SLC44A5: variants seen among roughly 807,000 people sequenced by gnomAD.
SLC44A5 encodes solute carrier family 44 member 5.
A neutral mutation model predicts 101.8 loss-of-function variants in SLC44A5; 57 were observed. The observed-to-expected ratio is 0.56, with a 90% CI of 0.45 to 0.70. The LOEUF is 0.70. SLC44A5 is among the 30% of genes least tolerant of loss of function. The pLI is 0.00. For missense variants in SLC44A5, 737 were observed against 853.1 expected (o/e 0.86, Z 1.70); for synonymous variants, 281 against 290.9 (o/e 0.97, Z 0.35).
the SLC44A5 span, among the ~76,000 whole-genome samples, chr1:75,697,659 C>A: frequency 2.6e-5 from 4 of 152,070 alleles, no homozygotes; most frequent in African/African-American, 4.8e-5. Context: ...CCAAGATGGC[C>A]GAATAGGGAC....
intron 1 of SLC44A5, among the ~76,000 whole-genome samples, chr1:75,589,177 C>T (rs927250503): frequency 6.6e-6 from 1 of 150,428 alleles, no homozygotes; most frequent in African/African-American, 2.5e-5. Flanking sequence ...TCTGCCATGT[C>T]ATTCATTAAA....
At chr1:75,492,949 C>A (rs1668499320) in intron 2 of SLC44A5, among the ~76,000 whole-genome samples, 1 of 152,230 alleles carries the variant, frequency 6.6e-6, no homozygotes, top group South Asian at 2.1e-4. Flanking sequence ...TTGGAATTTT[C>A]TACCTGAAGG....
intron 1 of SLC44A5, among the ~76,000 whole-genome samples, chr1:75,610,686 G>A (rs376489747): frequency 6.6e-6 from 1 of 152,058 alleles, no homozygotes; most frequent in African/African-American, 2.4e-5. Context: ...TCCTAGAGAT[G>A]TTATCAACAT....
intron 2 of SLC44A5, among the ~76,000 whole-genome samples, chr1:75,424,480 A>G (rs1206358953): frequency 1.3e-5 from 2 of 151,940 alleles, no homozygotes; most frequent in African/African-American, 2.4e-5. Flanking sequence ...TAATTTTTCT[A>G]TTTTTAGTAG....
intron 2 of SLC44A5, among the ~76,000 whole-genome samples, chr1:75,463,684 A>C (rs951781984): frequency 6.6e-6 from 1 of 152,200 alleles, no homozygotes; most frequent in Admixed American, 6.5e-5. Flanking sequence ...CATCAATACT[A>C]GACTCATCCT....
chr1:75,266,352 C>CAT (rs1214540337), intron 6 of SLC44A5, among the ~76,000 whole-genome samples: 2 of 149,684 alleles, frequency 1.3e-5, no homozygotes, highest in African/African-American at 4.9e-5. Context: ...CACACACACA[C>CAT]ATTTATTTGT....
At chr1:75,677,014 G>A in the SLC44A5 span, among the ~76,000 whole-genome samples, 1 of 152,118 alleles carries the variant, frequency 6.6e-6, no homozygotes, top group Non-Finnish European at 1.5e-5. Context: ...TATATTCGGT[G>A]AACATGAAGG....
At position 75,579,770 on chromosome 1, in the gene SLC44A5, T is replaced by C. The variant is rs542063577; in HGVS notation, c.-70+31270A>G. 4.5e-4 allele frequency among the ~76,000 whole-genome samples: 68 copies of C among 151,414 alleles called. 1 individual carries two copies. The highest frequency in any genetic ancestry group is 1.6e-3 in the African/African-American group (68 of 41,252). On this transcript the variant is annotated intron_variant, in intron 1 of 23. Coordinates refer to ENST00000370859, the MANE Select transcript of SLC44A5 (RefSeq NM_001130058.2). ...TAGAAGAACAAATCTGAAATGATTC[T>C]ATAGATTTTCCTTTAACAAAGAGAG...
chr1:75,236,872 G>A, intron 11 of SLC44A5, 115 bp downstream of exon 11: 1 of 543,316 alleles, frequency 1.8e-6, no homozygotes, highest in Non-Finnish European at 3.3e-6. Context: ...AATTTGTTAT[G>A]CCACCAGTAC....
At chr1:75,404,195 C>T (rs1265701195) in intron 2 of SLC44A5, among the ~76,000 whole-genome samples, 1 of 152,002 alleles carries the variant, frequency 6.6e-6, no homozygotes, top group Non-Finnish European at 1.5e-5. Context: ...AAATATGGGA[C>T]TATGTGAAAA....
chr1:75,717,736 G>A, the SLC44A5 span, among the ~76,000 whole-genome samples: 2 of 152,150 alleles, frequency 1.3e-5, no homozygotes, highest in African/African-American at 4.8e-5. Flanking sequence ...ATTAAGAAAT[G>A]GAATGAATAA....
At chr1:75,706,134 T>A in the SLC44A5 span, among the ~76,000 whole-genome samples, 1 of 152,206 alleles carries the variant, frequency 6.6e-6, no homozygotes, top group Non-Finnish European at 1.5e-5. Flanking sequence ...GTTTTTTGAT[T>A]TTTGAAAAAG....
chr1:75,552,640 T>C (rs1168720693), intron 1 of SLC44A5, among the ~76,000 whole-genome samples: 1 of 151,512 alleles, frequency 6.6e-6, no homozygotes, highest in Non-Finnish European at 1.5e-5. Flanking sequence ...TTTTTTTTTT[T>C]TCATTTGGGC....
the SLC44A5 span, among the ~76,000 whole-genome samples, chr1:75,674,334 C>T: frequency 6.6e-6 from 1 of 152,044 alleles, no homozygotes; most frequent in African/African-American, 2.4e-5. Context: ...AATTAGTGAG[C>T]TTGAAGATAA....
intron 7 of SLC44A5, among the ~76,000 whole-genome samples, chr1:75,244,183 G>GT (rs1557570358): frequency 6.6e-6 from 1 of 152,026 alleles, no homozygotes; most frequent in East Asian, 1.9e-4. Context: ...ACTAAGCAGA[G>GT]TAAGACAGTT....
At chr1:75,296,125 C>CA (rs1349609952) in intron 5 of SLC44A5, among the ~76,000 whole-genome samples, 1 of 152,112 alleles carries the variant, frequency 6.6e-6, no homozygotes, top group African/African-American at 2.4e-5. Flanking sequence ...CTCCAGTCTC[C>CA]AGTCAAGCCA....
chr1:75,711,401 CTTG>C, the SLC44A5 span, among the ~76,000 whole-genome samples: 1 of 152,186 alleles, frequency 6.6e-6, no homozygotes, highest in Non-Finnish European at 1.5e-5. Context: ...TTGTGGGCCT[CTTG>C]TTGGTCGTAT....
intron 2 of SLC44A5, among the ~76,000 whole-genome samples, chr1:75,462,179 C>A (rs1002444336): frequency 1.3e-5 from 2 of 152,176 alleles, no homozygotes; most frequent in Admixed American, 1.3e-4. Context: ...CCAGTTGACT[C>A]AGAACAAAGA....
At chr1:75,648,896 TTATAA>T in the SLC44A5 span, among the ~76,000 whole-genome samples, 3 of 152,246 alleles carry the variant, frequency 2.0e-5, no homozygotes, top group Admixed American at 6.5e-5. Context: ...TATGGATATT[TTATAA>T]TATATTACAG....
Sources: gnomAD v4.1 joint callset for allele counts (sites outside exome capture counted in the v4.1 genomes callset) on GRCh38, gnomAD v4.1.1 for gene constraint, MANE v1.5 for transcripts, NCBI Gene and HGNC (gene_info 2026-07-23, HGNC 2026-07-21) for gene names.